The following GRID1 variants were observed in gnomAD, a reference collection of about 807,000 sequenced individuals.
The protein encoded by GRID1 is glutamate receptor ionotropic, delta-1.
GRID1 carries 28 observed loss-of-function variants against 98.0 expected under a neutral mutation model. The observed-to-expected ratio is 0.29, with a 90% CI of 0.21 to 0.39. The LOEUF (loss-of-function observed/expected upper bound fraction) is 0.39. GRID1 is among the 10% of genes least tolerant of loss of function. The pLI, the probability that GRID1 is intolerant of heterozygous loss-of-function variation, is 1.00. For missense variants in GRID1, 1,111 were observed against 1,340.5 expected (o/e 0.83, Z 2.67); for synonymous variants, 553 against 538.5 (o/e 1.03, Z -0.37).
chr10:86,167,021 C>T (rs1845408600), intron 3 of GRID1, among the ~76,000 whole-genome samples: 1 of 152,210 alleles, frequency 6.6e-6, no homozygotes, highest in Admixed American at 6.5e-5. Context: ...ATGGGGAGCA[C>T]CCCCCACCCA....
At chr10:85,979,305 G>C (rs191311288) in intron 4 of GRID1, among the ~76,000 whole-genome samples, 1 of 152,210 alleles carries the variant, frequency 6.6e-6, no homozygotes, top group Non-Finnish European at 1.5e-5. Context: ...GGTCTTGGAG[G>C]TCCCCAAGTT....
chr10:85,819,807 G>A (rs956613791), intron 8 of GRID1, among the ~76,000 whole-genome samples: 8 of 151,938 alleles, frequency 5.3e-5, no homozygotes, highest in African/African-American at 1.7e-4. Flanking sequence ...CCAGCTACTC[G>A]AGAGGCTGAG....
intron 8 of GRID1, among the ~76,000 whole-genome samples, chr10:85,828,987 C>G (rs1260552508): frequency 6.6e-6 from 1 of 152,080 alleles, no homozygotes; most frequent in African/African-American, 2.4e-5. Flanking sequence ...ATACCAAAAC[C>G]TAGCAGAGAC....
At chr10:85,611,758 C>T (rs781394602) in intron 15 of GRID1, among the ~76,000 whole-genome samples, 1 of 152,132 alleles carries the variant, frequency 6.6e-6, no homozygotes, top group Non-Finnish European at 1.5e-5. Context: ...CGTGGAGGGG[C>T]TGACATGATG....
intron 4 of GRID1, among the ~76,000 whole-genome samples, chr10:86,133,931 T>A (rs1844876419): frequency 6.6e-6 from 1 of 152,140 alleles, no homozygotes; most frequent in Admixed American, 6.5e-5. Context: ...ACAAACAGTT[T>A]AAAATCATTT....
intron 4 of GRID1, among the ~76,000 whole-genome samples, chr10:85,964,340 C>T (rs1285610783): frequency 1.3e-5 from 2 of 152,090 alleles, no homozygotes; most frequent in African/African-American, 4.8e-5. Context: ...CAAGACAATC[C>T]TAAGCAAAAA....
chr10:86,364,128 G>A (rs1216600410), intron 1 of GRID1, 32 bp from the exon 2 acceptor site: 1 of 1,599,608 alleles, frequency 6.3e-7, no homozygotes, highest in Non-Finnish European at 8.5e-7. Context: ...GACCGGACCT[G>A]GACAAGAACC....
intron 2 of GRID1, among the ~76,000 whole-genome samples, chr10:86,228,123 A>G (rs557341410): frequency 6.7e-6 from 1 of 148,794 alleles, no homozygotes; most frequent in African/African-American, 2.5e-5. Context: ...GTGGATGAAT[A>G]TGTAGGTGGT....
chr10:85,624,715 A>G (rs1842891411), intron 13 of GRID1, among the ~76,000 whole-genome samples: 1 of 152,236 alleles, frequency 6.6e-6, no homozygotes, highest in Non-Finnish European at 1.5e-5. Context: ...GGCTACCGGC[A>G]CCACAAAATG....
At position 85,801,135 on chromosome 10, in the gene GRID1, CTAA is replaced by C. The variant is rs558407826; in HGVS notation, c.1233+53358_1233+53360del. ...AGAGAATATTATTAATTCCTTTATG[CTAA>C]TAACTTTTAGAAGTTAGAAAATTTG... On this transcript the variant is annotated intron_variant, in intron 8 of 15. Coordinates refer to ENST00000327946, the MANE Select transcript of GRID1 (RefSeq NM_017551.3). Among the ~76,000 whole-genome samples the C allele has an allele frequency of 3.1e-3, 467 of 151,906 alleles. 2 individuals carry two copies. The highest frequency in any genetic ancestry group is 0.01 in the African/African-American group (427 of 41,466).
At chr10:85,701,310 C>T (rs10788464) in intron 12 of GRID1, among the ~76,000 whole-genome samples, 78,768 of 151,768 alleles carry the variant, frequency 0.52, 20,938 homozygotes, top group Middle Eastern at 0.62. Context: ...TATGCAGAAA[C>T]CCTCATTTAC....
intron 2 of GRID1, among the ~76,000 whole-genome samples, chr10:86,333,985 T>G (rs1487455329): frequency 6.6e-6 from 1 of 152,100 alleles, no homozygotes; most frequent in South Asian, 2.1e-4. Flanking sequence ...CCACTAGCAC[T>G]AGATGCCAGC....
chr10:86,078,798 T>C (rs1843923142), intron 4 of GRID1, among the ~76,000 whole-genome samples: 1 of 152,208 alleles, frequency 6.6e-6, no homozygotes, highest in South Asian at 2.1e-4. Flanking sequence ...CCCCCTGGCC[T>C]TGCAGCTAAA....
chr10:86,202,500 T>C (rs926471637), intron 3 of GRID1, among the ~76,000 whole-genome samples: 4 of 152,280 alleles, frequency 2.6e-5, no homozygotes, highest in Non-Finnish European at 2.9e-5. Flanking sequence ...AAGTTCTCCA[T>C]TCTTTTCGAT....
chr10:86,122,286 T>C (rs1844687646), intron 4 of GRID1, among the ~76,000 whole-genome samples: 1 of 152,144 alleles, frequency 6.6e-6, no homozygotes, highest in Non-Finnish European at 1.5e-5. Context: ...GCCCCAACTG[T>C]TCCCCGCTCC....
chr10:86,287,870 G>A (rs1847456126), intron 2 of GRID1, among the ~76,000 whole-genome samples: 1 of 151,748 alleles, frequency 6.6e-6, no homozygotes, highest in African/African-American at 2.4e-5. Flanking sequence ...GGCAGAAGGT[G>A]GCTGGCATCA....
intron 4 of GRID1, among the ~76,000 whole-genome samples, chr10:85,965,969 T>G (rs1021744885): frequency 1.3e-5 from 2 of 152,066 alleles, no homozygotes; most frequent in Non-Finnish European, 2.9e-5. Flanking sequence ...CAGCAATCAC[T>G]CAACCCAGGT....
At chr10:86,022,680 G>A (rs1373817644) in intron 4 of GRID1, among the ~76,000 whole-genome samples, 1 of 152,144 alleles carries the variant, frequency 6.6e-6, no homozygotes, top group Non-Finnish European at 1.5e-5. Context: ...CACTTTGGGA[G>A]GCCGAGGAGG....
chr10:86,119,642 A>G (rs893522660), intron 4 of GRID1, among the ~76,000 whole-genome samples: 9 of 152,124 alleles, frequency 5.9e-5, no homozygotes, highest in African/African-American at 1.9e-4. Context: ...TGTTATGTTG[A>G]CGCTCACCCA....
Sources: allele counts gnomAD v4.1 joint callset (sites outside exome capture counted in the v4.1 genomes callset), GRCh38; gene constraint gnomAD v4.1.1; transcripts MANE v1.5; gene names NCBI Gene and HGNC (gene_info 2026-07-23, HGNC 2026-07-21).